FAM193A: variants seen among roughly 807,000 people sequenced by gnomAD.
FAM193A encodes the protein family with sequence similarity 193 member A.
In FAM193A, 22 loss-of-function variants were observed where a neutral mutation model predicts 126.5. That is an observed-to-expected ratio of 0.17 (90% CI 0.12 to 0.25). The LOEUF (loss-of-function observed/expected upper bound fraction) is 0.25. Among genes scored for constraint, FAM193A ranks in the 10% least tolerant of loss-of-function variants. FAM193A has a pLI of 1.00. For missense variants in FAM193A, 1,675 were observed against 1,672.8 expected, an observed-to-expected ratio of 1.00 and a Z score of -0.02; for synonymous variants, 761 against 646.8, an observed-to-expected ratio of 1.18 and a Z score of -2.68.
At position 2,732,093 on chromosome 4, in the gene FAM193A, G is replaced by T; in HGVS notation, c.*225G>T. 1.8e-6 allele frequency: 1 copy of T among 565,288 alleles called. No individual in the cohort carries two copies. The highest frequency in any genetic ancestry group is 3.2e-6 in the Non-Finnish European group (1 of 313,516). The allele number at this position is 565,288 out of a possible 1,614,324, so 35.0% of individuals were successfully genotyped here. Reference sequence around the variant, plus strand: ...CCTTCGATTGTAGCTCTGTGCTGTCGGATTGGAACAGTAGTTCCCGCCAAG... The same window carrying T: ...CCTTCGATTGTAGCTCTGTGCTGTCTGATTGGAACAGTAGTTCCCGCCAAG... On this transcript the variant is annotated 3_prime_UTR_variant, in exon 21 of 21. Transcript: ENST00000637812.
intron 1 of FAM193A, among the ~76,000 whole-genome samples, chr4:2,569,720 G>A (rs112609691): frequency 1.4e-4 from 22 of 152,134 alleles, no homozygotes; most frequent in African/African-American, 4.6e-4. Context: ...GCCCAGGCTG[G>A]TCTTGAACTC....
intron 2 of FAM193A, among the ~76,000 whole-genome samples, chr4:2,619,840 G>C (rs1452667712): frequency 6.6e-6 from 1 of 152,086 alleles, no homozygotes; most frequent in Non-Finnish European, 1.5e-5. Context: ...GCAGGCTTGT[G>C]CCTCCATGCC....
chr4:2,647,645 TCAGA>T (rs912531418), intron 7 of FAM193A, among the ~76,000 whole-genome samples: 3 of 152,152 alleles, frequency 2.0e-5, no homozygotes, highest in Admixed American at 6.5e-5. Flanking sequence ...CCCAAGCCTG[TCAGA>T]CAGAGCAGGG....
chr4:2,553,915 A>G (rs1290585888), intron 1 of FAM193A, among the ~76,000 whole-genome samples: 1 of 152,076 alleles, frequency 6.6e-6, no homozygotes, highest in African/African-American at 2.4e-5. Flanking sequence ...GCCACCATCC[A>G]TGTAAGACCT....
At chr4:2,540,561 T>C (rs1737169848) in intron 1 of FAM193A, among the ~76,000 whole-genome samples, 1 of 151,866 alleles carries the variant, frequency 6.6e-6, no homozygotes, top group Non-Finnish European at 1.5e-5. Context: ...GGCAGGAGAA[T>C]GGCATGAACC....
chr4:2,701,284 CAAAA>C (rs60538223), intron 19 of FAM193A, among the ~76,000 whole-genome samples: 7 of 96,040 alleles, frequency 7.3e-5, no homozygotes, highest in Admixed American at 1.1e-4. Flanking sequence ...TCCTTTATAG[CAAAA>C]AAAAAAAAAA....
intron 2 of FAM193A, among the ~76,000 whole-genome samples, chr4:2,622,014 G>A (rs982429599): frequency 6.6e-6 from 1 of 152,100 alleles, no homozygotes; most frequent in Non-Finnish European, 1.5e-5. Context: ...CAGCACTTTG[G>A]GAAATGAAGG....
chr4:2,665,867 G>T (rs867705112), intron 12 of FAM193A, among the ~76,000 whole-genome samples: 1 of 151,816 alleles, frequency 6.6e-6, no homozygotes, highest in Non-Finnish European at 1.5e-5. Context: ...TTTTTTTTGA[G>T]ACGGAGTCTC....
At position 2,600,981 on chromosome 4, in the gene FAM193A, A is replaced by G. The variant is rs938498988; in HGVS notation, c.501+4652A>G. 2.4e-4 allele frequency among the ~76,000 whole-genome samples: 37 copies of G among 152,208 alleles called. 1 individual carries two copies. Among genetic ancestry groups the G allele is most frequent in the Admixed American group, 9.2e-4 (14 of 15,282 alleles). On this transcript the variant is annotated intron_variant, in intron 2 of 20. Coordinates refer to ENST00000637812, the MANE Select transcript of FAM193A (RefSeq NM_001366318.2). The stretch of plus-strand genomic sequence containing the variant: ...TTAGAAATTGTCAAAGTTGCCCACC[A>G]GCGTGGCACATGCCTGTAGTTGCGG...
At chr4:2,701,221 G>A (rs1172469862) in intron 19 of FAM193A, among the ~76,000 whole-genome samples, 1 of 150,042 alleles carries the variant, frequency 6.7e-6, no homozygotes, top group African/African-American at 2.5e-5. Flanking sequence ...CTGATCCAAT[G>A]CTATTCTCTA....
chr4:2,727,496 T>A (rs1160728353), intron 20 of FAM193A, among the ~76,000 whole-genome samples: 1 of 152,208 alleles, frequency 6.6e-6, no homozygotes, highest in Non-Finnish European at 1.5e-5. Flanking sequence ...TTACAGTTCC[T>A]TAGAGCCACT....
chr4:2,647,352 G>A (rs539280741), intron 7 of FAM193A, among the ~76,000 whole-genome samples: 8 of 152,136 alleles, frequency 5.3e-5, no homozygotes, highest in African/African-American at 1.9e-4. Flanking sequence ...CTCCATGTTG[G>A]TCAGGCTGGT....
chr4:2,586,736 C>T (rs1193778018), intron 1 of FAM193A, among the ~76,000 whole-genome samples: 1 of 152,172 alleles, frequency 6.6e-6, no homozygotes, highest in Non-Finnish European at 1.5e-5. Context: ...TCATTGTAGC[C>T]TCAACCTCCT....
chr4:2,692,299 AACTC>A (rs1387482451), intron 15 of FAM193A, among the ~76,000 whole-genome samples: 2 of 152,188 alleles, frequency 1.3e-5, no homozygotes, highest in Non-Finnish European at 2.9e-5. Context: ...CTCTCGTGAG[AACTC>A]ACTCACTATC....
intron 12 of FAM193A, among the ~76,000 whole-genome samples, chr4:2,669,817 C>T (rs1713586318): frequency 6.6e-6 from 1 of 152,140 alleles, no homozygotes; most frequent in African/African-American, 2.4e-5. Context: ...CTCCTGGCAG[C>T]CTGGCTTTCT....
At chr4:2,660,346 C>G (rs960088119) in intron 10 of FAM193A, among the ~76,000 whole-genome samples, 1 of 152,152 alleles carries the variant, frequency 6.6e-6, no homozygotes, top group Admixed American at 6.5e-5. Flanking sequence ...TCCTCATTCT[C>G]CTAAAGGGTG....
intron 6 of FAM193A, among the ~76,000 whole-genome samples, chr4:2,644,671 G>A (rs946655389): frequency 6.6e-6 from 1 of 152,092 alleles, no homozygotes; most frequent in Non-Finnish European, 1.5e-5. Context: ...TGCCTTCCCT[G>A]GAGAGACTGC....
In FAM193A at chr4:2,689,702, C is replaced by G; in HGVS notation, c.2528C>G (p.Ser843Cys). The change falls in exon 14 of 21, where the codon TCT becomes TGT. Residue 843 changes from serine (S) to cysteine (C), a missense_variant and splice_region_variant. By Grantham distance (112) the Ser-to-Cys change is moderately radical. Transcript: ENST00000637812. ...GGCACTTTCTTGCCAGATACAATTT[C>G]TGGTAAGGAATTTGTTAAAACTTTC... Reference protein sequence around the residue: ...NPGTFLPDTISGSEILGPTLS... With the variant: ...NPGTFLPDTICGSEILGPTLS... 6.4e-7 allele frequency: 1 copy of G among 1,567,312 alleles called. No homozygotes were observed. Among genetic ancestry groups the G allele is most frequent in the Non-Finnish European group, 8.6e-7 (1 of 1,163,076 alleles).
chr4:2,654,543 CA>C (rs980774538), intron 7 of FAM193A: 225 of 140,660 alleles, frequency 1.6e-3, no homozygotes, highest in East Asian at 3.0e-3. Flanking sequence ...AAATTTGTTC[CA>C]AAAAAAAAAA....
Sources: allele counts gnomAD v4.1 joint callset (sites outside exome capture counted in the v4.1 genomes callset), GRCh38; gene constraint gnomAD v4.1.1; transcripts MANE v1.5; gene names NCBI Gene and HGNC (gene_info 2026-07-23, HGNC 2026-07-21).